The following KIAA1217 variants were observed in gnomAD, a reference collection of about 807,000 sequenced individuals.
KIAA1217 encodes sickle tail protein homolog.
A neutral mutation model predicts 163.9 loss-of-function variants in KIAA1217; 88 were observed. That is an observed-to-expected ratio of 0.54 (90% CI 0.45 to 0.64). KIAA1217 has a LOEUF of 0.64. Among genes scored for constraint, KIAA1217 ranks in the 30% least tolerant of loss-of-function variants. KIAA1217 has a pLI of 0.00. For missense variants in KIAA1217, 2,372 were observed against 2,475.0 expected, an observed-to-expected ratio of 0.96 and a Z score of 0.88; for synonymous variants, 903 against 923.1, an observed-to-expected ratio of 0.98 and a Z score of 0.39.
At chr10:24,026,143 T>C (rs1488592880) in intron 2 of KIAA1217, among the ~76,000 whole-genome samples, 1 of 151,830 alleles carries the variant, frequency 6.6e-6, no homozygotes, top group African/African-American at 2.4e-5. Context: ...TGTATTATCC[T>C]TTTTATATAG....
chr10:24,226,641 CA>C (rs200662770), intron 2 of KIAA1217, among the ~76,000 whole-genome samples: 28 of 145,204 alleles, frequency 1.9e-4, no homozygotes, highest in African/African-American at 4.6e-4. Context: ...GACTCCATCT[CA>C]AAAAAAAAAT....
Position 24,055,907 on chromosome 10 carries a change from G to T in KIAA1217, c.-171+48533G>T, listed in dbSNP as rs114974939. Among the ~76,000 whole-genome samples, 363 of 151,442 alleles carry T rather than the reference G, an allele frequency of 2.4e-3. 2 individuals are homozygous for T. Among genetic ancestry groups the T allele is most frequent in the African/African-American group, 8.4e-3 (346 of 41,278 alleles). On this transcript the variant is annotated intron_variant, in intron 2 of 18. Coordinates refer to the KIAA1217 transcript ENST00000376462. Reference sequence around the variant, plus strand: ...ATAATAACAGGAGCTGTACATAATAGATGTTCAGAGAATGCCCTTGCAGAA... The same window carrying T: ...ATAATAACAGGAGCTGTACATAATATATGTTCAGAGAATGCCCTTGCAGAA...
intron 2 of KIAA1217, among the ~76,000 whole-genome samples, chr10:24,085,127 G>A (rs2061656676): frequency 6.6e-6 from 1 of 151,986 alleles, no homozygotes; most frequent in African/African-American, 2.4e-5. Context: ...TGTTAGCCAG[G>A]ATGGTCTCGA....
At chr10:24,143,864 G>A (rs2064192017) in intron 2 of KIAA1217, among the ~76,000 whole-genome samples, 1 of 151,846 alleles carries the variant, frequency 6.6e-6, no homozygotes, top group Admixed American at 6.6e-5. Flanking sequence ...AGGACAGCAG[G>A]ATCATATGGT....
chr10:24,543,326 C>G lies in KIAA1217; in HGVS notation c.4056C>G (p.Pro1352=), dbSNP rs1179237308. ...ATTTTGGCCAAGTTGTTCTAAGACC[C>G]AAGGAGGCAAGGCATGCTAACGTGA... ...TTDFGQVVLR[P]KEARHANVNP... is the part of the protein sequence containing the mutation. Residue 1352 remains proline (P), a synonymous_variant, in exon 19 of 21, where the codon CCC becomes CCG. Transcript: ENST00000376454. 5 of 1,613,912 alleles carry G rather than the reference C, an allele frequency of 3.1e-6. No individual in the cohort carries two copies. The highest frequency in any genetic ancestry group is 4.2e-6 in the Non-Finnish European group (5 of 1,180,006).
intron 2 of KIAA1217, among the ~76,000 whole-genome samples, chr10:24,161,662 C>T (rs534076758): frequency 1.3e-5 from 2 of 152,336 alleles, no homozygotes; most frequent in South Asian, 2.1e-4. Flanking sequence ...AAGTTCAAGT[C>T]TAGGTTGAGT....
At chr10:23,751,957 C>CA (rs1839761655) in intron 1 of KIAA1217, among the ~76,000 whole-genome samples, 1 of 152,076 alleles carries the variant, frequency 6.6e-6, no homozygotes, top group Non-Finnish European at 1.5e-5. Flanking sequence ...TTTTTATAGG[C>CA]AAAAAGTAGG....
At position 24,533,250 on chromosome 10, in the gene KIAA1217, G is replaced by A; in HGVS notation, c.3414+13G>A. Reference sequence around the variant, plus strand: ...GGCAGAACTCCAGGTATGTGGATGAGGTGACTGACATTGGCTCCTTGCCTC... The same window carrying A: ...GGCAGAACTCCAGGTATGTGGATGAAGTGACTGACATTGGCTCCTTGCCTC... On this transcript the variant is annotated intron_variant, in intron 16 of 20. Transcript: ENST00000376454. 3.1e-6 allele frequency: 5 copies of A among 1,596,886 alleles called. No individual in the cohort carries two copies. Among genetic ancestry groups the A allele is most frequent in the Non-Finnish European group, 4.3e-6 (5 of 1,170,044 alleles).
Position 24,152,401 on chromosome 10 carries a change from C to A in KIAA1217, c.-170-67225C>A, listed in dbSNP as rs76385570. Among the ~76,000 whole-genome samples, 900 of 152,244 alleles carry A rather than the reference C, an allele frequency of 5.9e-3. 2 individuals are homozygous for A. The highest frequency in any genetic ancestry group is 0.015 in the African/African-American group (635 of 41,544). On this transcript the variant is annotated intron_variant, in intron 2 of 18. Coordinates refer to the KIAA1217 transcript ENST00000376462. ...TCTCATTTACTGGCTAAGTACTTAG[C>A]CTTTTAAAAACCTTTCCGTGTGAAT... is the stretch of plus-strand genomic sequence containing the variant.
chr10:23,714,700 T>G (rs1837464253), intron 1 of KIAA1217, among the ~76,000 whole-genome samples: 1 of 152,070 alleles, frequency 6.6e-6, no homozygotes. Flanking sequence ...TTCTATTCTG[T>G]TTTGTGAAAA....
At chr10:23,723,641 A>T (rs1837981492) in intron 1 of KIAA1217, among the ~76,000 whole-genome samples, 1 of 152,190 alleles carries the variant, frequency 6.6e-6, no homozygotes, top group Non-Finnish European at 1.5e-5. Context: ...ATGTTACATA[A>T]AAGAGTATAT....
chr10:24,313,306 T>C (rs1397316163), intron 2 of KIAA1217, among the ~76,000 whole-genome samples: 1 of 152,130 alleles, frequency 6.6e-6, no homozygotes, highest in African/African-American at 2.4e-5. Flanking sequence ...AACAGTGAGA[T>C]TGTATTTTTA....
At chr10:23,831,757 T>C (rs976151808) in intron 1 of KIAA1217, among the ~76,000 whole-genome samples, 1 of 152,192 alleles carries the variant, frequency 6.6e-6, no homozygotes, top group Non-Finnish European at 1.5e-5. Flanking sequence ...GTGATATGTA[T>C]AAATGTCTAC....
chr10:24,081,278 G>A (rs1461309255), intron 2 of KIAA1217, among the ~76,000 whole-genome samples: 1 of 152,206 alleles, frequency 6.6e-6, no homozygotes, highest in Non-Finnish European at 1.5e-5. Flanking sequence ...TTTATGAATA[G>A]AGATGTCTTA....
intron 2 of KIAA1217, among the ~76,000 whole-genome samples, chr10:24,194,608 C>G (rs2066896429): frequency 6.6e-6 from 1 of 151,488 alleles, no homozygotes; most frequent in African/African-American, 2.4e-5. Context: ...CAGTCTCGCT[C>G]TGTCAACCAG....
rs149252448 is a variant in KIAA1217, at chr10:24,270,463, T to G, written c.354+50554T>G. Among the ~76,000 whole-genome samples the G allele has an allele frequency of 3.2e-3, 492 of 152,356 alleles. 3 individuals are homozygous for G. Among genetic ancestry groups the G allele is most frequent in the African/African-American group, 0.011 (475 of 41,592 alleles). ...TCACTAAATCACATGAATGCATCCA[T>G]CTTTCTTATTTTCATCTTTTTGAAA... On this transcript the variant is annotated intron_variant, in intron 2 of 20. Transcript: ENST00000376454.
chr10:24,174,427 GAC>G (rs910584719), intron 2 of KIAA1217, among the ~76,000 whole-genome samples: 1 of 152,072 alleles, frequency 6.6e-6, no homozygotes, highest in Non-Finnish European at 1.5e-5. Context: ...CATGCTTGTG[GAC>G]ACACACACAC....
chr10:23,958,181 T>C (rs1196019357), intron 1 of KIAA1217, among the ~76,000 whole-genome samples: 1 of 152,218 alleles, frequency 6.6e-6, no homozygotes, highest in Non-Finnish European at 1.5e-5. Flanking sequence ...GGGAAGGTCC[T>C]GCCTATTCCA....
At chr10:24,335,315 G>A (rs1177939185) in intron 2 of KIAA1217, among the ~76,000 whole-genome samples, 3 of 145,968 alleles carry the variant, frequency 2.1e-5, no homozygotes, top group Admixed American at 7.0e-5. Flanking sequence ...TTTTTGAGAC[G>A]GAGTCTTGCT....
Sources: gnomAD v4.1 joint callset for allele counts (sites outside exome capture counted in the v4.1 genomes callset) on GRCh38, gnomAD v4.1.1 for gene constraint, MANE v1.5 for transcripts, NCBI Gene and HGNC (gene_info 2026-07-23, HGNC 2026-07-21) for gene names.